The following USH2A variants were observed in gnomAD, a reference collection of about 807,000 sequenced individuals.
The protein encoded by USH2A is Usher syndrome 2A (autosomal recessive, mild).
Under a neutral mutation model 538.9 loss-of-function variants are expected in USH2A, and 443 were observed. That is an observed-to-expected ratio of 0.82 (90% CI 0.76 to 0.89). USH2A has a LOEUF of 0.89. Among genes scored for constraint, USH2A ranks in the 40% least tolerant of loss-of-function variants. USH2A has a pLI of 0.00. For synonymous variants in USH2A, 2,413 were observed against 2,273.5 expected (o/e 1.06, Z -1.75); for missense variants, 6,633 against 6,324.8 (o/e 1.05, Z -1.65).
At chr1:216,385,349 T>C (rs1207088603) in intron 3 of USH2A, among the ~76,000 whole-genome samples, 1 of 152,064 alleles carries the variant, frequency 6.6e-6, no homozygotes, top group Non-Finnish European at 1.5e-5. Context: ...ACAAAGAGCT[T>C]GAAAGTCTAA....
intron 4 of USH2A, among the ~76,000 whole-genome samples, chr1:216,328,097 A>T (rs2037772221): frequency 6.6e-6 from 1 of 152,152 alleles, no homozygotes; most frequent in Non-Finnish European, 1.5e-5. Context: ...TCCAAGCTCC[A>T]GGCTATCTGT....
chr1:215,761,276 C>T (rs1660974606), intron 56 of USH2A, among the ~76,000 whole-genome samples: 1 of 152,146 alleles, frequency 6.6e-6, no homozygotes, highest in Admixed American at 6.6e-5. Flanking sequence ...GTAACTATCA[C>T]CTTATTGATA....
rs1239779645 is a variant in USH2A at position 216,046,576 on chromosome 1, C to G, written c.6180G>C (p.Gln2060His). Residue 2060 changes from glutamine (Q) to histidine (H), a missense_variant, in exon 32 of 72, where the codon CAG (glutamine) becomes CAC (histidine). Physicochemically the swap from Gln to His is conservative, Grantham distance 24. Transcript: ENST00000307340. ...STPQEAPQEVQPPVAKSLPSS... is the reference protein window; with the variant it reads ...STPQEAPQEVHPPVAKSLPSS... ...TGGGAAGGGATTTGGCTACTGGTGG[C>G]TGAACCTCTTGTGGGGCTGTGGAAG... The G allele has an allele frequency of 3.7e-6, 6 of 1,613,810 alleles. No homozygotes were observed. Among genetic ancestry groups the G allele is most frequent in the Admixed American group, 1.7e-5 (1 of 59,992 alleles).
intron 18 of USH2A, among the ~76,000 whole-genome samples, chr1:216,197,391 C>A (rs1336710412): frequency 5.3e-5 from 8 of 152,106 alleles, no homozygotes; most frequent in Admixed American, 4.6e-4. Context: ...TACGAGGGAC[C>A]AGTATTGCAG....
chr1:215,636,478 A>C (rs1055592826), intron 69 of USH2A, among the ~76,000 whole-genome samples: 1 of 152,194 alleles, frequency 6.6e-6, no homozygotes, highest in African/African-American at 2.4e-5. Flanking sequence ...AAATTCCCCT[A>C]ATTAGGAACC....
chr1:216,363,087 A>C (rs2038527903), intron 4 of USH2A, among the ~76,000 whole-genome samples: 1 of 152,086 alleles, frequency 6.6e-6, no homozygotes, highest in South Asian at 2.1e-4. Context: ...AGTCCAGTTA[A>C]TTATATGTTA....
chr1:216,415,508 C>CTTTTTTTTTT lies in USH2A; in HGVS notation c.651+2996_651+3005dup, dbSNP rs71161423. Among the ~76,000 whole-genome samples the CTTTTTTTTTT allele has an allele frequency of 1.1e-4, 11 of 96,874 alleles. 1 individual carries two copies. Among genetic ancestry groups the CTTTTTTTTTT allele is most frequent in the African/African-American group, 4.3e-4 (11 of 25,830 alleles). 63.6% of individuals were successfully genotyped at this position (96,874 alleles called of 152,430 possible). ...TCCTAATCTCCTGTCCTTCCTGTCA[C>CTTTTTTTTTT]TTTTTTTTTTTTTTTTTTTTTTTTT... On this transcript the variant is annotated intron_variant, in intron 3 of 71. Coordinates refer to ENST00000307340, the MANE Select transcript of USH2A (RefSeq NM_206933.4).
intron 11 of USH2A, among the ~76,000 whole-genome samples, chr1:216,280,103 A>T (rs952881713): frequency 6.6e-6 from 1 of 151,356 alleles, no homozygotes. Flanking sequence ...TAGGCCTGGG[A>T]CTCTATTTGA....
At chr1:216,326,361 C>T (rs1244491594) in intron 5 of USH2A, among the ~76,000 whole-genome samples, 1 of 152,162 alleles carries the variant, frequency 6.6e-6, no homozygotes, top group Non-Finnish European at 1.5e-5. Context: ...CAGGCTTTTC[C>T]TCTCAGACCC....
intron 61 of USH2A, among the ~76,000 whole-genome samples, chr1:215,724,662 G>A (rs149036312): frequency 4.6e-5 from 7 of 152,272 alleles, no homozygotes; most frequent in East Asian, 1.9e-4. Flanking sequence ...CAGCAGAAAC[G>A]CAGCTGCAAG....
chr1:216,088,461 T>C lies in USH2A; in HGVS notation c.4885+552A>G, dbSNP rs544924391. On this transcript the variant is annotated intron_variant, in intron 23 of 71. Coordinates refer to ENST00000307340, the MANE Select transcript of USH2A (RefSeq NM_206933.4). ...ATAATAGGTACTGATTAAAATTAGA[T>C]ATTTCCTGAATAATTTAATAAAAGC... Among the ~76,000 whole-genome samples the C allele has an allele frequency of 5.9e-5, 9 of 152,294 alleles. No individual in the cohort carries two copies. The East Asian group carries it at 1.7e-3, about 29-fold the overall frequency.
At position 215,625,344 on chromosome 1, in the gene USH2A, T is replaced by C; in HGVS notation, c.*437A>G. On this transcript the variant is annotated 3_prime_UTR_variant, in exon 72 of 72. Coordinates refer to ENST00000307340, the MANE Select transcript of USH2A (RefSeq NM_206933.4). ...TAGAATAACTATTCTTGCAGGATTG[T>C]GTCAACCCTGACAGAAATGGCAGAT... 4.1e-6 allele frequency: 1 copy of C among 243,244 alleles called. No homozygotes were observed. Among genetic ancestry groups the C allele is most frequent in the Non-Finnish European group, 8.1e-6 (1 of 123,150 alleles). 15.1% of individuals were successfully genotyped at this position (243,244 alleles called of 1,614,324 possible).
intron 3 of USH2A, among the ~76,000 whole-genome samples, chr1:216,394,830 T>C (rs2039179176): frequency 6.7e-6 from 1 of 149,690 alleles, no homozygotes; most frequent in Non-Finnish European, 1.5e-5. Context: ...GCCATTCTCC[T>C]GCCTCAGCCT....
intron 30 of USH2A, among the ~76,000 whole-genome samples, chr1:216,053,372 T>C (rs1293671637): frequency 6.6e-6 from 1 of 152,058 alleles, no homozygotes; most frequent in Non-Finnish European, 1.5e-5. Flanking sequence ...GTTTTTATAC[T>C]GAAGAAGTAT....
intron 21 of USH2A, among the ~76,000 whole-genome samples, chr1:216,102,798 T>A: frequency 6.7e-6 from 1 of 150,128 alleles, no homozygotes; most frequent in South Asian, 2.1e-4. Context: ...AGATTCCGTC[T>A]CAAAAACAAA....
intron 60 of USH2A, among the ~76,000 whole-genome samples, chr1:215,732,544 C>CTTTTTTTTTTTTTTTTTTTTT (rs141549439): frequency 8.2e-5 from 6 of 73,586 alleles, no homozygotes; most frequent in African/African-American, 1.8e-4. Context: ...TTTTTTCTTT[C>CTTTTTTTTTTTTTTTTTTTTT]TTTTTTTTTT....
intron 3 of USH2A, among the ~76,000 whole-genome samples, chr1:216,378,075 GA>G (rs1219683967): frequency 1.3e-5 from 2 of 151,954 alleles, no homozygotes; most frequent in Non-Finnish European, 2.9e-5. Context: ...TGAAGTCCAG[GA>G]AAAAAATTTC....
intron 67 of USH2A, 58 bp downstream of exon 67, chr1:215,647,464 G>A: frequency 1.2e-6 from 2 of 1,607,344 alleles, no homozygotes; most frequent in South Asian, 1.1e-5. Flanking sequence ...TTCAGGGCAA[G>A]CTTCTCCTGA....
Position 216,368,104 on chromosome 1 carries a change from C to T in USH2A, c.652-3019G>A, listed in dbSNP as rs147455779. Among the ~76,000 whole-genome samples, 391 of 152,084 alleles carry T rather than the reference C, an allele frequency of 2.6e-3. 5 individuals are homozygous for T. The highest frequency in any genetic ancestry group is 0.012 in the South Asian group (58 of 4,816). On this transcript the variant is annotated intron_variant, in intron 3 of 71. Transcript: ENST00000307340. Reference sequence around the variant, plus strand: ...GATACAGAGAAGGTCATGCTCAAATCTTCATTCTCTTCAGTTTCATATTTT... The same window carrying T: ...GATACAGAGAAGGTCATGCTCAAATTTTCATTCTCTTCAGTTTCATATTTT...
Sources: gnomAD v4.1 joint callset for allele counts (sites outside exome capture counted in the v4.1 genomes callset) on GRCh38, gnomAD v4.1.1 for gene constraint, MANE v1.5 for transcripts, NCBI Gene and HGNC (gene_info 2026-07-23, HGNC 2026-07-21) for gene names.